ANK2: variants seen among roughly 807,000 people sequenced by gnomAD.
The protein encoded by ANK2 is ankyrin-2.
ANK2 carries 83 observed loss-of-function variants against 360.5 expected under a neutral mutation model. That is an observed-to-expected ratio of 0.23 (90% CI 0.19 to 0.28). The LOEUF (loss-of-function observed/expected upper bound fraction) is 0.28. Ranked by LOEUF, ANK2 falls within the 10% of genes least tolerant of loss-of-function variation. The pLI, the probability that ANK2 is intolerant of heterozygous loss-of-function variation, is 1.00. For missense variants in ANK2, 4,201 were observed against 4,795.7 expected, an observed-to-expected ratio of 0.88 and a Z score of 3.66; for synonymous variants, 1,740 against 1,759.5, an observed-to-expected ratio of 0.99 and a Z score of 0.28.
chr4:112,786,597 G>C, the ANK2 span, among the ~76,000 whole-genome samples: 15 of 151,586 alleles, frequency 9.9e-5, no homozygotes, highest in East Asian at 5.9e-4. Flanking sequence ...GAGTTTCACC[G>C]TGTTGGCCAG....
chr4:112,773,084 G>A, the ANK2 span, among the ~76,000 whole-genome samples: 3 of 152,118 alleles, frequency 2.0e-5, no homozygotes, highest in African/African-American at 7.2e-5. Context: ...TTGGGAGGTC[G>A]AGGTGGGCAG....
chr4:113,140,480 T>G (rs1387754638), intron 1 of ANK2, among the ~76,000 whole-genome samples: 3 of 152,174 alleles, frequency 2.0e-5, no homozygotes. Context: ...TAGGATAGTT[T>G]TTTTGCACAT....
At chr4:113,090,332 C>G (rs1204640736) in intron 1 of ANK2, among the ~76,000 whole-genome samples, 1 of 152,078 alleles carries the variant, frequency 6.6e-6, no homozygotes, top group African/African-American at 2.4e-5. Flanking sequence ...AATATTATTA[C>G]AGTTTGCTAA....
intron 2 of ANK2, among the ~76,000 whole-genome samples, chr4:112,912,265 T>A (rs2087874756): frequency 2.6e-5 from 4 of 152,146 alleles, no homozygotes; most frequent in Admixed American, 2.6e-4. Context: ...GAATATTTTT[T>A]AAGTGACAAC....
At chr4:113,323,205 C>G (rs1470184257) in intron 26 of ANK2, among the ~76,000 whole-genome samples, 1 of 152,048 alleles carries the variant, frequency 6.6e-6, no homozygotes, top group Non-Finnish European at 1.5e-5. Flanking sequence ...GACAAAAGCA[C>G]CAAGACTTTG....
At chr4:112,856,385 C>A (rs2066407551) in intron 1 of ANK2, among the ~76,000 whole-genome samples, 1 of 152,182 alleles carries the variant, frequency 6.6e-6, no homozygotes, top group African/African-American at 2.4e-5. Context: ...AGCTGTACTT[C>A]TTCCTAATTT....
intron 1 of ANK2, among the ~76,000 whole-genome samples, chr4:113,149,913 GAA>G (rs2096986772): frequency 9.1e-6 from 1 of 110,196 alleles, no homozygotes; most frequent in South Asian, 3.2e-4. Flanking sequence ...AAGATTGAAA[GAA>G]GAGAAGACAT....
the ANK2 span, among the ~76,000 whole-genome samples, chr4:112,773,347 A>T: frequency 2.6e-5 from 4 of 152,320 alleles, no homozygotes; most frequent in African/African-American, 9.6e-5. Context: ...AGAAAAATAT[A>T]AACAAGAACA....
chr4:113,305,800 C>T (rs1487591169), intron 23 of ANK2, among the ~76,000 whole-genome samples: 1 of 152,118 alleles, frequency 6.6e-6, no homozygotes, highest in Non-Finnish European at 1.5e-5. Context: ...TCTCTACAGT[C>T]TATTGTTTTA....
intron 2 of ANK2, among the ~76,000 whole-genome samples, chr4:112,995,468 A>T (rs1178628592): frequency 6.6e-6 from 1 of 151,890 alleles, no homozygotes; most frequent in Non-Finnish European, 1.5e-5. Context: ...TGTGTGTTTA[A>T]GTTTCTTATA....
At chr4:112,769,589 C>T in the ANK2 span, among the ~76,000 whole-genome samples, 4 of 152,110 alleles carry the variant, frequency 2.6e-5, no homozygotes, top group African/African-American at 4.8e-5. Flanking sequence ...TGCATAATTC[C>T]GAAGAATTTA....
In ANK2 at chr4:113,277,863, A is replaced by G. The variant is rs757515084; in HGVS notation, c.1710A>G (p.Ala570=). 1.3e-5 allele frequency: 21 copies of G among 1,613,904 alleles called. No homozygotes were observed. The highest frequency in any genetic ancestry group is 1.5e-5 in the Non-Finnish European group (18 of 1,179,868). Residue 570 remains alanine, a synonymous_variant, in exon 16 of 46, where the codon GCA becomes GCG. Transcript: ENST00000357077. ...AGGGTTTTACTCCCCTGCATGTAGC[A>G]GCCAAGTATGGAAGCCTGGATGTGG... ...TKKGFTPLHV[A]AKYGSLDVAK... is the part of the protein sequence containing the mutation.
intron 2 of ANK2, among the ~76,000 whole-genome samples, chr4:112,931,943 C>A (rs1307507285): frequency 6.6e-6 from 1 of 152,102 alleles, no homozygotes; most frequent in Non-Finnish European, 1.5e-5. Context: ...AACATAGGTA[C>A]TGAAGATTCA....
chr4:112,917,191 CT>C (rs2090104904), intron 2 of ANK2, among the ~76,000 whole-genome samples: 1 of 152,220 alleles, frequency 6.6e-6, no homozygotes, highest in Admixed American at 6.5e-5. Context: ...TACCAACTTT[CT>C]GCTAAAGTGA....
At chr4:113,341,656 C>T in intron 32 of ANK2, 32 bp from the exon 33 acceptor site, 2 of 1,606,246 alleles carry the variant, frequency 1.2e-6, no homozygotes, top group Middle Eastern at 1.7e-4. Flanking sequence ...ATACTTTGAA[C>T]TTTAGATAAC....
intron 8 of ANK2, among the ~76,000 whole-genome samples, chr4:113,240,973 G>A (rs2039505459): frequency 6.6e-6 from 1 of 152,220 alleles, no homozygotes; most frequent in Non-Finnish European, 1.5e-5. Flanking sequence ...CAATTTGATA[G>A]GGAATTGTTT....
At chr4:113,280,956 AAT>A (rs1427927136) in intron 17 of ANK2, among the ~76,000 whole-genome samples, 1 of 152,182 alleles carries the variant, frequency 6.6e-6, no homozygotes, top group Non-Finnish European at 1.5e-5. Context: ...CCTTTTTTTC[AAT>A]AGAGTCTATG....
the ANK2 span, chr4:112,738,854 G>A: frequency 1.5e-6 from 1 of 647,934 alleles, no homozygotes; most frequent in East Asian, 3.8e-5. Context: ...TTGGTTATGG[G>A]AGCAACAACA....
At chr4:112,931,273 G>C (rs112115802) in intron 2 of ANK2, among the ~76,000 whole-genome samples, 2,999 of 152,038 alleles carry the variant, frequency 0.02, 77 homozygotes, top group African/African-American at 0.061. Flanking sequence ...GGAAATAAGA[G>C]GCACCCTGAA....
Sources: gnomAD v4.1 joint callset for allele counts (sites outside exome capture counted in the v4.1 genomes callset) on GRCh38, gnomAD v4.1.1 for gene constraint, MANE v1.5 for transcripts, NCBI Gene and HGNC (gene_info 2026-07-23, HGNC 2026-07-21) for gene names.